The following KLF8 variants were observed in gnomAD, a reference collection of about 807,000 sequenced individuals.
KLF8 encodes the protein KLF transcription factor 8.
KLF8 carries 10 observed loss-of-function variants against 18.2 expected under a neutral mutation model. That is an observed-to-expected ratio of 0.55 (90% CI 0.34 to 0.93). KLF8 has a LOEUF of 0.93. Ranked by LOEUF, KLF8 falls within the 40% of genes least tolerant of loss-of-function variation. KLF8 has a pLI of 0.02. For synonymous variants in KLF8, 109 were observed against 97.3 expected (o/e 1.12, Z -0.71); for missense variants, 264 against 277.9 (o/e 0.95, Z 0.36).
chrX:56,175,289 G>T, the KLF8 span, among the ~76,000 whole-genome samples: 2 of 111,606 alleles, frequency 1.8e-5, no homozygotes, highest in East Asian at 5.6e-4. Context: ...AGATTCTGGT[G>T]TGTTGTGTCT....
At chrX:56,196,329 G>A in the KLF8 span, among the ~76,000 whole-genome samples, 7 of 111,432 alleles carry the variant, frequency 6.3e-5, no homozygotes, top group Admixed American at 4.8e-4. Context: ...GCTGTATTCA[G>A]GAAACCCATC....
chrX:56,233,519 G>C (rs1395417782), intron 1 of KLF8, among the ~76,000 whole-genome samples, 178 bp downstream of exon 1: 1 of 112,172 alleles, frequency 8.9e-6, no homozygotes. Flanking sequence ...AAATGACTTT[G>C]CTAAAGGGCT....
At chrX:56,088,057 A>G in the KLF8 span, among the ~76,000 whole-genome samples, 9 of 111,526 alleles carry the variant, frequency 8.1e-5, no homozygotes, top group African/African-American at 2.6e-4. Context: ...TCCACATACA[A>G]TTGCCTTGTG....
At chrX:56,053,557 T>TTTTGGG in the KLF8 span, among the ~76,000 whole-genome samples, 8 of 105,954 alleles carry the variant, frequency 7.6e-5, no homozygotes, top group African/African-American at 2.7e-4. Flanking sequence ...TTTTTTTTTT[T>TTTTGGG]GGGGAATAGT....
chrX:56,126,714 C>T, the KLF8 span, among the ~76,000 whole-genome samples: 65 of 107,631 alleles, frequency 6.0e-4, no homozygotes, highest in Admixed American at 1.2e-3. Context: ...ATTTATATGG[C>T]TCACTTTCTT....
At chrX:56,147,265 T>G in the KLF8 span, among the ~76,000 whole-genome samples, 10 of 111,652 alleles carry the variant, frequency 9.0e-5, no homozygotes, top group Admixed American at 3.8e-4. Flanking sequence ...AAGAAAGTTT[T>G]CCATTCTGTA....
the KLF8 span, among the ~76,000 whole-genome samples, chrX:55,971,407 C>T: frequency 9.0e-6 from 1 of 111,099 alleles, no homozygotes; most frequent in South Asian, 3.8e-4. Context: ...ACACAAAAAT[C>T]AAATCAAAAT....
chrX:56,281,024 C>A (rs751735574), intron 5 of KLF8, among the ~76,000 whole-genome samples: 4 of 111,914 alleles, frequency 3.6e-5, no homozygotes, highest in Non-Finnish European at 7.5e-5. Context: ...AACTTTTAGA[C>A]TAACTTTTAG....
the KLF8 span, among the ~76,000 whole-genome samples, chrX:56,071,482 G>A: frequency 8.9e-6 from 1 of 111,839 alleles, no homozygotes; most frequent in Non-Finnish European, 1.9e-5. Flanking sequence ...TATCAGTAAA[G>A]CAAAGAGACA....
chrX:56,213,259 G>T, the KLF8 span, among the ~76,000 whole-genome samples: 1 of 97,925 alleles, frequency 1.0e-5, no homozygotes, highest in African/African-American at 3.9e-5. Context: ...CTTTTAAAAT[G>T]ACCTATTTCT....
chrX:56,024,763 G>C, the KLF8 span, among the ~76,000 whole-genome samples: 1 of 111,773 alleles, frequency 8.9e-6, no homozygotes, highest in Non-Finnish European at 1.9e-5. Flanking sequence ...GATAACATCG[G>C]TTGCTAGGTC....
chrX:56,233,942 G>A (rs774616115), intron 1 of KLF8, among the ~76,000 whole-genome samples: 1 of 111,531 alleles, frequency 9.0e-6, no homozygotes, highest in Non-Finnish European at 1.9e-5. Flanking sequence ...GCTCTGCTCC[G>A]GCCCTTTAAG....
At chrX:56,251,179 C>A (rs1177382344) in intron 2 of KLF8, among the ~76,000 whole-genome samples, 3 of 111,992 alleles carry the variant, frequency 2.7e-5, no homozygotes, top group African/African-American at 6.5e-5. Context: ...AATTAGGATT[C>A]GAAACAGGTT....
At chrX:55,924,979 A>G in the KLF8 span, among the ~76,000 whole-genome samples, 1 of 96,082 alleles carries the variant, frequency 1.0e-5, no homozygotes, top group East Asian at 3.2e-4. Context: ...CCTCAGCCTC[A>G]CTAGTAGCTG....
the KLF8 span, among the ~76,000 whole-genome samples, chrX:56,184,755 A>C: frequency 8.9e-6 from 1 of 112,179 alleles, no homozygotes; most frequent in African/African-American, 3.2e-5. Flanking sequence ...GCTGATACAC[A>C]GGCAAACAGG....
At chrX:55,973,990 A>G in the KLF8 span, among the ~76,000 whole-genome samples, 1 of 112,122 alleles carries the variant, frequency 8.9e-6, no homozygotes, top group African/African-American at 3.2e-5. Flanking sequence ...ACACCATGGA[A>G]TAGTACACAG....
chrX:56,146,330 A>G, the KLF8 span, among the ~76,000 whole-genome samples: 1 of 112,262 alleles, frequency 8.9e-6, no homozygotes, highest in Non-Finnish European at 1.9e-5. Flanking sequence ...CATCAATGAT[A>G]GACTGGATAA....
At chrX:56,186,051 A>G in the KLF8 span, among the ~76,000 whole-genome samples, 22 of 112,397 alleles carry the variant, frequency 2.0e-4, no homozygotes, top group African/African-American at 7.1e-4. Flanking sequence ...TAAATGCACT[A>G]AATGCTCCAA....
At chrX:55,912,535 A>T in the KLF8 span, among the ~76,000 whole-genome samples, 49 of 111,241 alleles carry the variant, frequency 4.4e-4, no homozygotes, top group Non-Finnish European at 8.7e-4. Flanking sequence ...CTTCATCCTC[A>T]CAATAATCTT....
Sources: gnomAD v4.1 joint callset for allele counts (sites outside exome capture counted in the v4.1 genomes callset) on GRCh38, gnomAD v4.1.1 for gene constraint, MANE v1.5 for transcripts, NCBI Gene and HGNC (gene_info 2026-07-23, HGNC 2026-07-21) for gene names.